The following ZNF268 variants were observed in gnomAD, a reference collection of about 807,000 sequenced individuals.
ZNF268 encodes the protein zinc finger protein 268.
ZNF268 carries 20 observed loss-of-function variants against 29.3 expected under a neutral mutation model. The observed-to-expected ratio is 0.68, with a 90% CI of 0.48 to 0.99. The LOEUF (loss-of-function observed/expected upper bound fraction) is 0.99, where lower values mean the gene tolerates loss of function less well. Among genes scored for constraint, ZNF268 ranks in the 50% least tolerant of loss-of-function variants. ZNF268 has a pLI of 0.00. For missense variants in ZNF268, 1,240 were observed against 1,121.6 expected, an observed-to-expected ratio of 1.11 and a Z score of -1.51; for synonymous variants, 429 against 376.9, an observed-to-expected ratio of 1.14 and a Z score of -1.60.
rs1004478382 is a variant in ZNF268, at chr12:133,209,034, C to G, written c.*4504C>G. The stretch of plus-strand genomic sequence containing the variant: ...TCTTGGCTCACTGCAACCTCTGCCT[C>G]CTGGGTTCAAGCAATTCTCCTGCCT... On this transcript the variant is annotated 3_prime_UTR_variant, in exon 6 of 6. Transcript: ENST00000536435. 4.0e-5 allele frequency: 6 copies of G among 151,444 alleles called. No individual in the cohort carries two copies. The highest frequency in any genetic ancestry group is 6.6e-5 in the Admixed American group (1 of 15,174). The allele number at this position is 151,444 out of a possible 1,614,324, so 9.4% of individuals were successfully genotyped here.
In ZNF268 at chr12:133,214,425, CTCGGGAGGCTGAGGTGGGAGGG is replaced by C. The variant is rs1162980267; in HGVS notation, c.*9899_*9920del. On this transcript the variant is annotated 3_prime_UTR_variant, in exon 6 of 6. Transcript: ENST00000536435. ...GGCCACACACCTGTAATCCCAGCTA[CTCGGGAGGCTGAGGTGGGAGGG>C]TCGCTTGAGCCTGGGAGTTCAAGTC... 4 of 152,194 alleles carry C rather than the reference CTCGGGAGGCTGAGGTGGGAGGG, an allele frequency of 2.6e-5. No individual in the cohort carries two copies. Among genetic ancestry groups the C allele is most frequent in the Non-Finnish European group, 4.4e-5 (3 of 68,078 alleles). The allele number at this position is 152,194 out of a possible 1,614,324, so 9.4% of individuals were successfully genotyped here.
At chr12:133,190,035 C>G (rs535173664) in intron 3 of ZNF268, among the ~76,000 whole-genome samples, 4 of 152,090 alleles carry the variant, frequency 2.6e-5, no homozygotes, top group Non-Finnish European at 5.9e-5. Flanking sequence ...GTCTCGTTCT[C>G]CTGACTTTGT....
At position 133,206,494 on chromosome 12, in the gene ZNF268, C is replaced by CA. The variant is rs1166843062; in HGVS notation, c.*1965dup. ...TGAAAAACTCTGCCAGTTGCTTACT[C>CA]ACAAAGTTAGTTTTCTTCACTACCT... On this transcript the variant is annotated 3_prime_UTR_variant, in exon 6 of 6. Transcript: ENST00000536435. 1 of 152,166 alleles carries CA rather than the reference C, an allele frequency of 6.6e-6. No homozygotes were observed. The highest frequency in any genetic ancestry group is 1.9e-4 in the East Asian group (1 of 5,200). The allele number at this position is 152,166 out of a possible 1,614,324, so 9.4% of individuals were successfully genotyped here.
intron 3 of ZNF268, among the ~76,000 whole-genome samples, chr12:133,191,173 C>T (rs1008011231): frequency 1.7e-4 from 26 of 151,926 alleles, no homozygotes; most frequent in South Asian, 8.3e-4. Flanking sequence ...AAAAATCAGC[C>T]GGACTTGGTG....
chr12:133,193,053 C>T (rs1235272534), intron 5 of ZNF268, among the ~76,000 whole-genome samples: 2 of 152,212 alleles, frequency 1.3e-5, no homozygotes, highest in Admixed American at 6.5e-5. Flanking sequence ...ACCTGTTGAT[C>T]CTGCTCTTCT....
Position 133,210,968 on chromosome 12 carries a change from A to G in ZNF268, c.*6438A>G. 1 of 456,028 alleles carries G rather than the reference A, an allele frequency of 2.2e-6. No homozygotes were observed. Among genetic ancestry groups the G allele is most frequent in the Non-Finnish European group, 4.4e-6 (1 of 226,782 alleles). 28.2% of individuals were successfully genotyped at this position (456,028 alleles called of 1,614,324 possible). ...TGTGCCCCCTCTTGCAGTCCCAGTG[A>G]ACCCCTGAAATTCAATCTTACGATT... On this transcript the variant is annotated 3_prime_UTR_variant, in exon 6 of 6. Transcript: ENST00000536435.
rs867309995 is a variant in ZNF268, at chr12:133,205,557, C to T, written c.*1027C>T. The T allele has an allele frequency of 1.3e-5, 2 of 152,132 alleles. No homozygotes were observed. Among genetic ancestry groups the T allele is most frequent in the Non-Finnish European group, 2.9e-5 (2 of 68,020 alleles). 9.4% of individuals were successfully genotyped at this position (152,132 alleles called of 1,614,324 possible). A position where few individuals can be genotyped will look rare whatever the true frequency, so the allele number is the denominator to read the frequency against. Reference sequence around the variant, plus strand: ...CTTCCAGAGATTTCTACTCTGCATACCAACATTGTTTCTTTGTGTCTTACC... The same window carrying T: ...CTTCCAGAGATTTCTACTCTGCATATCAACATTGTTTCTTTGTGTCTTACC... On this transcript the variant is annotated 3_prime_UTR_variant, in exon 6 of 6. Transcript: ENST00000536435.
In ZNF268 at chr12:133,187,891, G is replaced by A. The variant is rs184707939; in HGVS notation, c.53G>A (p.Arg18Gln). 2.1e-5 allele frequency: 33 copies of A among 1,596,966 alleles called. 1 individual carries two copies. The Admixed American group carries it at 3.7e-4, about 18-fold the overall frequency. ...ASIWVPPLQE[R>Q]NSSWDRIRKL... is the part of the protein sequence containing the mutation. ...CCACAGGTCCCACCTCTCCAAGAAC[G>A]AAACAGTTCATGGGATAGGATCAGA... The change falls in exon 3 of 6, where the codon CGA becomes CAA. Residue 18 changes from arginine (R) to glutamine (Q), a missense_variant. Coordinates refer to ENST00000536435, the MANE Select transcript of ZNF268 (RefSeq NM_003415.3).
intron 5 of ZNF268, among the ~76,000 whole-genome samples, chr12:133,196,157 ACTAAAAATACAAAAATTAG>A (rs1361554472): frequency 6.6e-6 from 1 of 151,316 alleles, no homozygotes; most frequent in African/African-American, 2.4e-5. Context: ...CCCCATCTCT[ACTAAAAATACAAAAATTAG>A]CTGGGCGTGG....
chr12:133,189,466 C>T (rs1240312972), intron 3 of ZNF268, among the ~76,000 whole-genome samples: 3 of 152,104 alleles, frequency 2.0e-5, no homozygotes, highest in East Asian at 1.9e-4. Context: ...TCACCTGCCT[C>T]GGCCTCCTAA....
chr12:133,202,219 G>A lies in ZNF268; in HGVS notation c.533G>A (p.Ser178Asn), dbSNP rs745353053. 2.5e-6 allele frequency: 4 copies of A among 1,610,338 alleles called. No individual in the cohort carries two copies. Among genetic ancestry groups the A allele is most frequent in the Non-Finnish European group, 2.5e-6 (3 of 1,178,436 alleles). The change falls in exon 6 of 6, where the codon AGC becomes AAC. Residue 178 changes from serine to asparagine, a missense_variant. Coordinates refer to ENST00000536435, the MANE Select transcript of ZNF268 (RefSeq NM_003415.3). ...NKDKLGSTAK[S>N]FECTTFGKLC... ...GACAAGCTGGGAAGTACGGCAAAAA[G>A]CTTTGAATGCACTACATTTGGAAAA... is the stretch of plus-strand genomic sequence containing the variant.
chr12:133,202,074 T>C (rs1254987290), intron 5 of ZNF268, 70 bp from the exon 6 acceptor site: 2 of 1,300,948 alleles, frequency 1.5e-6, no homozygotes, highest in African/African-American at 1.5e-5. Context: ...TGTTCTTATT[T>C]CATAGGCAAC....
rs1956931374 is a variant in ZNF268, at chr12:133,208,095, C to T, written c.*3565C>T. 1 of 152,126 alleles carries T rather than the reference C, an allele frequency of 6.6e-6. No individual in the cohort carries two copies. Among genetic ancestry groups the T allele is most frequent in the African/African-American group, 2.4e-5 (1 of 41,422 alleles). 9.4% of individuals were successfully genotyped at this position (152,126 alleles called of 1,614,324 possible). A position where few individuals can be genotyped will look rare whatever the true frequency, so the allele number is the denominator to read the frequency against. On this transcript the variant is annotated 3_prime_UTR_variant, in exon 6 of 6. Coordinates refer to ENST00000536435, the MANE Select transcript of ZNF268 (RefSeq NM_003415.3). The stretch of plus-strand genomic sequence containing the variant: ...GGTGCAGTGGCTCATCCATGTAATA[C>T]CAGCACTTGGGAAGGCTGAGGCTGG...
rs1377545699 is a variant in ZNF268, at chr12:133,212,465, A to ATG, written c.*7936_*7937insGT. On this transcript the variant is annotated 3_prime_UTR_variant, in exon 6 of 6. Transcript: ENST00000536435. Reference sequence around the variant, plus strand: ...TGATTTTATATATATATATATATATATATATATATATATATATATATATAT... The same window carrying ATG: ...TGATTTTATATATATATATATATATATGTATATATATATATATATATATATAT... 10 of 52,878 alleles carry ATG rather than the reference A, an allele frequency of 1.9e-4. No homozygotes were observed. The highest frequency in any genetic ancestry group is 6.6e-4 in the Admixed American group (3 of 4,564). 3.3% of individuals were successfully genotyped at this position (52,878 alleles called of 1,614,324 possible). A position where few individuals can be genotyped will look rare whatever the true frequency, so the allele number is the denominator to read the frequency against.
Position 133,213,254 on chromosome 12 carries a change from T to C in ZNF268, c.*8724T>C, listed in dbSNP as rs1279538439. On this transcript the variant is annotated 3_prime_UTR_variant, in exon 6 of 6. Coordinates refer to ENST00000536435, the MANE Select transcript of ZNF268 (RefSeq NM_003415.3). The stretch of plus-strand genomic sequence containing the variant: ...AATGGCTAGTGATGTTGAAAATCTT[T>C]TCATGTACTTCTTGGCACTGGATTT... The C allele has an allele frequency of 1.3e-5, 2 of 152,242 alleles. No individual in the cohort carries two copies. Among genetic ancestry groups the C allele is most frequent in the Admixed American group, 6.5e-5 (1 of 15,280 alleles). The allele number at this position is 152,242 out of a possible 1,614,324, so 9.4% of individuals were successfully genotyped here. A position where few individuals can be genotyped will look rare whatever the true frequency, so the allele number is the denominator to read the frequency against.
chr12:133,182,415 GCTGGACC>G (rs1156337302), intron 2 of ZNF268, among the ~76,000 whole-genome samples: 1 of 151,788 alleles, frequency 6.6e-6, no homozygotes, highest in East Asian at 1.9e-4. Context: ...TATTTTGTTT[GCTGGACC>G]CTGGGGCAGG....
chr12:133,203,442 T>G lies in ZNF268; in HGVS notation c.1756T>G (p.Cys586Gly), dbSNP rs374545010. 9 of 1,542,510 alleles carry G rather than the reference T, an allele frequency of 5.8e-6. No homozygotes were observed. Among genetic ancestry groups the G allele is most frequent in the Non-Finnish European group, 7.8e-6 (9 of 1,148,708 alleles). The change falls in exon 6 of 6, where the codon TGC becomes GGC. Residue 586 changes from cysteine (C) to glycine (G), a missense_variant. By Grantham distance (159) the Cys-to-Gly change is radical. Coordinates refer to ENST00000536435, the MANE Select transcript of ZNF268 (RefSeq NM_003415.3). ...RTHAGEKPYE[C>G]TDCGKAFGLK... ...TCATGCAGGAGAGAAGCCTTATGAA[T>G]GCACCGACTGTGGAAAGGCTTTTGG...
Position 133,209,941 on chromosome 12 carries a change from TCTCC to T in ZNF268, c.*5414_*5417del, listed in dbSNP as rs1418621509. 1 of 152,252 alleles carries T rather than the reference TCTCC, an allele frequency of 6.6e-6. No individual in the cohort carries two copies. Among genetic ancestry groups the T allele is most frequent in the African/African-American group, 2.4e-5 (1 of 41,460 alleles). The allele number at this position is 152,252 out of a possible 1,614,324, so 9.4% of individuals were successfully genotyped here. ...TGTTGCAGTGTTTTGTCGCAGTGTT[TCTCC>T]CTTTTTTTGTACTGGGATTTCTCCC... On this transcript the variant is annotated 3_prime_UTR_variant, in exon 6 of 6. Coordinates refer to ENST00000536435, the MANE Select transcript of ZNF268 (RefSeq NM_003415.3).
chr12:133,187,175 CT>C (rs570490175), intron 2 of ZNF268, among the ~76,000 whole-genome samples: 5 of 150,720 alleles, frequency 3.3e-5, no homozygotes, highest in Admixed American at 6.6e-5. Flanking sequence ...TTTTTTATTC[CT>C]TTTTTTTTAG....
Sources: allele counts gnomAD v4.1 joint callset (sites outside exome capture counted in the v4.1 genomes callset), GRCh38; gene constraint gnomAD v4.1.1; transcripts MANE v1.5; gene names NCBI Gene and HGNC (gene_info 2026-07-23, HGNC 2026-07-21).